The following PTPN4 variants were observed in gnomAD, a reference collection of about 807,000 sequenced individuals.
PTPN4 encodes protein tyrosine phosphatase non-receptor type 4, also known as tyrosine-protein phosphatase non-receptor type 4.
In PTPN4, 49 loss-of-function variants were observed where a neutral mutation model predicts 135.5. The observed-to-expected ratio is 0.36, with a 90% CI of 0.29 to 0.46. PTPN4 has a LOEUF of 0.46. Ranked by LOEUF, PTPN4 falls within the 20% of genes least tolerant of loss-of-function variation. The pLI, the probability that PTPN4 is intolerant of heterozygous loss-of-function variation, is 1.00. For synonymous variants in PTPN4, 333 were observed against 369.9 expected (o/e 0.90, Z 1.14); for missense variants, 860 against 1,101.0 (o/e 0.78, Z 3.10).
intron 10 of PTPN4, among the ~76,000 whole-genome samples, chr2:119,907,704 C>T (rs1271605102): frequency 6.6e-6 from 1 of 152,094 alleles, no homozygotes; most frequent in Non-Finnish European, 1.5e-5. Context: ...ATCAAATTAT[C>T]CTGTGAAGCT....
chr2:119,780,642 C>T (rs1039110948), intron 1 of PTPN4, among the ~76,000 whole-genome samples: 4 of 152,110 alleles, frequency 2.6e-5, no homozygotes, highest in Non-Finnish European at 5.9e-5. Context: ...ACATTTTTGG[C>T]AAGAACACTA....
chr2:119,818,605 A>C (rs1439266739), intron 2 of PTPN4, among the ~76,000 whole-genome samples: 1 of 152,198 alleles, frequency 6.6e-6, no homozygotes, highest in Non-Finnish European at 1.5e-5. Flanking sequence ...AATGTACAAC[A>C]GAGACTATGT....
In PTPN4 at chr2:119,965,659, C is replaced by A; in HGVS notation, c.2558+14C>A. Reference sequence around the variant, plus strand: ...TGTCCATTGCAGGTACTCTGTTTTCCGTCTTTTATGAGTGTATAGCTGAAC... The same window carrying A: ...TGTCCATTGCAGGTACTCTGTTTTCAGTCTTTTATGAGTGTATAGCTGAAC... On this transcript the variant is annotated intron_variant, in intron 25 of 26. Coordinates refer to ENST00000263708, the MANE Select transcript of PTPN4 (RefSeq NM_002830.4). 1 of 1,609,426 alleles carries A rather than the reference C, an allele frequency of 6.2e-7. No homozygotes were observed. The highest frequency in any genetic ancestry group is 1.1e-5 in the South Asian group (1 of 90,172).
chr2:119,895,919 A>AAT (rs1678317157), intron 9 of PTPN4, among the ~76,000 whole-genome samples: 2 of 151,460 alleles, frequency 1.3e-5, no homozygotes, highest in African/African-American at 4.8e-5. Flanking sequence ...TCTGTCTCAA[A>AAT]AAAAAAAAAA....
intron 16 of PTPN4, among the ~76,000 whole-genome samples, chr2:119,945,611 T>A (rs200386650): frequency 1.0e-4 from 2 of 19,084 alleles, no homozygotes; most frequent in South Asian, 3.1e-3. Flanking sequence ...TAATAAAAAT[T>A]AAAAATAAAA....
chr2:119,977,299 T>A lies in PTPN4; in HGVS notation c.*229T>A. 1.7e-6 allele frequency: 1 copy of A among 596,584 alleles called. No individual in the cohort carries two copies. The highest frequency in any genetic ancestry group is 2.4e-6 in the Non-Finnish European group (1 of 425,070). 37.0% of individuals were successfully genotyped at this position (596,584 alleles called of 1,614,324 possible). On this transcript the variant is annotated 3_prime_UTR_variant, in exon 27 of 27. Transcript: ENST00000263708. ...TTCATGCTTTGCTCCGAACAAATAG[T>A]AAATAACTGAGTATGTTCAGGGTAA...
At chr2:119,845,432 T>C (rs1359000525) in intron 2 of PTPN4, among the ~76,000 whole-genome samples, 1 of 152,178 alleles carries the variant, frequency 6.6e-6, no homozygotes, top group African/African-American at 2.4e-5. Flanking sequence ...AATTTTTATT[T>C]CTTCTTGAGT....
At chr2:119,786,566 C>T (rs1241927050) in intron 1 of PTPN4, among the ~76,000 whole-genome samples, 2 of 152,120 alleles carry the variant, frequency 1.3e-5, no homozygotes, top group Non-Finnish European at 2.9e-5. Context: ...CTGAGGATCT[C>T]AGTTCCTTTC....
chr2:119,926,562 TA>T, intron 12 of PTPN4, 35 bp from the exon 13 acceptor site: 3 of 1,429,168 alleles, frequency 2.1e-6, no homozygotes, highest in Non-Finnish European at 2.9e-6. Context: ...ATAGTTCTCT[TA>T]AGACTTTATT....
intron 9 of PTPN4, among the ~76,000 whole-genome samples, chr2:119,891,068 CCT>C (rs994718211): frequency 5.9e-5 from 9 of 152,270 alleles, no homozygotes; most frequent in African/African-American, 2.2e-4. Context: ...ATGCAGAACA[CCT>C]CTTTACATTA....
At chr2:119,949,114 A>T (rs1443660230) in intron 18 of PTPN4, among the ~76,000 whole-genome samples, 2 of 152,172 alleles carry the variant, frequency 1.3e-5, no homozygotes, top group Non-Finnish European at 2.9e-5. Flanking sequence ...TCATTTCCAA[A>T]CAGAATTCTA....
intron 1 of PTPN4, among the ~76,000 whole-genome samples, chr2:119,789,485 A>G (rs185364421): frequency 1.3e-5 from 2 of 152,330 alleles, no homozygotes; most frequent in East Asian, 3.9e-4. Context: ...TGTCATATAA[A>G]GAAATTATTG....
intron 1 of PTPN4, among the ~76,000 whole-genome samples, chr2:119,783,013 A>G (rs1289027119): frequency 8.5e-6 from 1 of 117,048 alleles, no homozygotes; most frequent in Non-Finnish European, 1.9e-5. Flanking sequence ...TTTTTTTTTT[A>G]CTAAATTCCA....
At position 119,795,968 on chromosome 2, in the gene PTPN4, T is replaced by C. The variant is rs1055030605; in HGVS notation, c.-17-13869T>C. ...ACCCTGCAGAAATGAACCCTACACT[T>C]GGGGCCAGCCTTGCGAATCCTGACT... is the stretch of plus-strand genomic sequence containing the variant. On this transcript the variant is annotated intron_variant, in intron 1 of 26. Coordinates refer to ENST00000263708, the MANE Select transcript of PTPN4 (RefSeq NM_002830.4). Among the ~76,000 whole-genome samples the C allele has an allele frequency of 2.0e-5, 3 of 152,204 alleles. No homozygotes were observed. The East Asian group carries it at 5.8e-4, about 29-fold the overall frequency.
At chr2:119,974,442 C>T (rs985968180) in intron 26 of PTPN4, among the ~76,000 whole-genome samples, 2 of 152,154 alleles carry the variant, frequency 1.3e-5, no homozygotes, top group African/African-American at 4.8e-5. Flanking sequence ...CTTCTGACCT[C>T]AGGTGATCCA....
At chr2:119,931,009 A>G (rs1299662122) in intron 13 of PTPN4, among the ~76,000 whole-genome samples, 1 of 152,082 alleles carries the variant, frequency 6.6e-6, no homozygotes, top group Non-Finnish European at 1.5e-5. Flanking sequence ...TATAACCAAA[A>G]ATAGTCTTCA....
chr2:119,875,655 A>ATTAT (rs1443704494), intron 3 of PTPN4, among the ~76,000 whole-genome samples: 5 of 152,212 alleles, frequency 3.3e-5, no homozygotes, highest in East Asian at 1.9e-4. Flanking sequence ...CCTTCAGTAA[A>ATTAT]TTATTTATTT....
intron 9 of PTPN4, among the ~76,000 whole-genome samples, chr2:119,886,851 A>G (rs888975795): frequency 1.3e-5 from 2 of 152,176 alleles, no homozygotes; most frequent in Non-Finnish European, 1.5e-5. Context: ...GCTTATGTCA[A>G]TCTTTCCTTT....
At chr2:119,826,124 C>T (rs1490255382) in intron 2 of PTPN4, among the ~76,000 whole-genome samples, 2 of 152,110 alleles carry the variant, frequency 1.3e-5, no homozygotes, top group Non-Finnish European at 2.9e-5. Flanking sequence ...TGCACATATT[C>T]TCTGGCCTTA....
Sources: allele counts gnomAD v4.1 joint callset (sites outside exome capture counted in the v4.1 genomes callset), GRCh38; gene constraint gnomAD v4.1.1; transcripts MANE v1.5; gene names NCBI Gene and HGNC (gene_info 2026-07-23, HGNC 2026-07-21).